CEMIP: variants seen among roughly 807,000 people sequenced by gnomAD.
The protein encoded by CEMIP is cell migration-inducing and hyaluronan-binding protein.
CEMIP carries 105 observed loss-of-function variants against 156.9 expected under a neutral mutation model. The observed-to-expected ratio is 0.67, with a 90% CI of 0.57 to 0.79. The LOEUF (loss-of-function observed/expected upper bound fraction) is 0.79, where lower values mean the gene tolerates loss of function less well. CEMIP is among the 30% of genes least tolerant of loss of function. The pLI is 0.00. For synonymous variants in CEMIP, 676 were observed against 668.4 expected (o/e 1.01, Z -0.17); for missense variants, 1,457 against 1,769.4 (o/e 0.82, Z 3.17).
chr15:80,859,467 A>G (rs1235830398), intron 1 of CEMIP, among the ~76,000 whole-genome samples: 1 of 152,230 alleles, frequency 6.6e-6, no homozygotes, highest in African/African-American at 2.4e-5. Flanking sequence ...ATGATGCCCT[A>G]TCTGTCCCAT....
intron 11 of CEMIP, 93 bp from the exon 12 acceptor site, chr15:80,895,776 A>T: frequency 4.4e-6 from 5 of 1,137,456 alleles, no homozygotes; most frequent in Non-Finnish European, 6.6e-6. Context: ...CCTGGCATTT[A>T]GTTATTTAGG....
chr15:80,937,164 G>T lies in CEMIP; in HGVS notation c.3221+279G>T, dbSNP rs145685444. Among the ~76,000 whole-genome samples the T allele has an allele frequency of 6.9e-3, 1,045 of 152,316 alleles. 15 individuals carry two copies. The highest frequency in any genetic ancestry group is 0.024 in the African/African-American group (999 of 41,562). ...TATTACCTTGCAGGAGTGCAATGAG[G>T]ACCCAAGGAGATAAGGTATGGCGGG... On this transcript the variant is annotated intron_variant, in intron 24 of 29. Transcript: ENST00000394685.
chr15:80,890,577 ACT>A (rs1372945173), intron 10 of CEMIP, among the ~76,000 whole-genome samples: 3 of 135,174 alleles, frequency 2.2e-5, no homozygotes, highest in Admixed American at 7.4e-5. Context: ...ACCGAGCAAG[ACT>A]CTGACTCAAA....
chr15:80,927,565 C>A (rs559795945), intron 19 of CEMIP, among the ~76,000 whole-genome samples: 1 of 152,324 alleles, frequency 6.6e-6, no homozygotes, highest in South Asian at 2.1e-4. Context: ...AGATTTAGGG[C>A]AGCAAGAAAA....
chr15:80,795,876 G>A (rs1188776294), intron 1 of CEMIP, among the ~76,000 whole-genome samples: 8 of 152,166 alleles, frequency 5.3e-5, no homozygotes, highest in Non-Finnish European at 7.3e-5. Flanking sequence ...GCTGCATGGA[G>A]CCATGATTGT....
At chr15:80,878,371 G>A (rs891601261) in intron 3 of CEMIP, among the ~76,000 whole-genome samples, 2 of 152,166 alleles carry the variant, frequency 1.3e-5, no homozygotes, top group African/African-American at 4.8e-5. Flanking sequence ...AAGACAGAAT[G>A]TCCTGGAATC....
chr15:80,785,135 C>T (rs532598202), intron 1 of CEMIP, among the ~76,000 whole-genome samples: 84 of 152,300 alleles, frequency 5.5e-4, no homozygotes, highest in African/African-American at 1.9e-3. Flanking sequence ...GATCGTTGTG[C>T]AAATGGCAAT....
At chr15:80,914,490 A>G (rs1900188760) in intron 14 of CEMIP, among the ~76,000 whole-genome samples, 1 of 152,126 alleles carries the variant, frequency 6.6e-6, no homozygotes, top group Non-Finnish European at 1.5e-5. Context: ...CAGGGGTGCC[A>G]TCTATATGGA....
At chr15:80,881,518 T>C (rs1596155168) in intron 6 of CEMIP, among the ~76,000 whole-genome samples, 1 of 151,832 alleles carries the variant, frequency 6.6e-6, no homozygotes, top group African/African-American at 2.4e-5. Flanking sequence ...AGGGAAAGAG[T>C]GTTCAAGACA....
chr15:80,880,396 G>A (rs976585034), intron 5 of CEMIP, among the ~76,000 whole-genome samples: 1 of 152,170 alleles, frequency 6.6e-6, no homozygotes, highest in African/African-American at 2.4e-5. Flanking sequence ...GCTTTATTTT[G>A]GTCTGGCTTA....
chr15:80,882,757 T>TACACACACAC (rs67853416), intron 6 of CEMIP, among the ~76,000 whole-genome samples: 1 of 149,854 alleles, frequency 6.7e-6, no homozygotes, highest in African/African-American at 2.5e-5. Context: ...TGCACACACA[T>TACACACACAC]ACACACACAC....
In CEMIP at chr15:80,892,327, C is replaced by T. The variant is rs1899058951; in HGVS notation, c.1087-2663C>T. 2.6e-5 allele frequency among the ~76,000 whole-genome samples: 4 copies of T among 152,240 alleles called. No individual in the cohort carries two copies. In the South Asian group the frequency reaches 8.3e-4, roughly 32 times the overall value. ...CAGTTGACCTTAAGAAAAGCTTTTC[C>T]AAGATCTGATATTTTGTGATTCTGA... On this transcript the variant is annotated intron_variant, in intron 10 of 29. Transcript: ENST00000394685.
At chr15:80,868,113 C>T (rs944902122) in intron 1 of CEMIP, among the ~76,000 whole-genome samples, 6 of 152,096 alleles carry the variant, frequency 3.9e-5, no homozygotes, top group Admixed American at 3.9e-4. Flanking sequence ...ATCCAGTCCT[C>T]CAGGAGCCAC....
intron 1 of CEMIP, among the ~76,000 whole-genome samples, chr15:80,825,642 T>C (rs1897018756): frequency 1.3e-5 from 2 of 152,186 alleles, no homozygotes; most frequent in Non-Finnish European, 1.5e-5. Context: ...CTCATTAGCA[T>C]TGGGAGGAGA....
At chr15:80,780,912 G>A (rs925423822) in intron 1 of CEMIP, among the ~76,000 whole-genome samples, 5 of 152,202 alleles carry the variant, frequency 3.3e-5, no homozygotes, top group African/African-American at 1.2e-4. Context: ...AGAGTCCGCT[G>A]GGGCCCTCGG....
intron 1 of CEMIP, among the ~76,000 whole-genome samples, chr15:80,846,649 C>A (rs1897567305): frequency 6.6e-6 from 1 of 152,146 alleles, no homozygotes; most frequent in South Asian, 2.1e-4. Context: ...TTTTCTCAGA[C>A]CCATGTGGAA....
chr15:80,929,459 C>A (rs1033599969), intron 21 of CEMIP, among the ~76,000 whole-genome samples: 1 of 152,218 alleles, frequency 6.6e-6, no homozygotes, highest in Admixed American at 6.5e-5. Context: ...TGTCTGGGAT[C>A]AGGGACTGTG....
At chr15:80,786,313 T>A (rs1272656435) in intron 1 of CEMIP, among the ~76,000 whole-genome samples, 4 of 152,216 alleles carry the variant, frequency 2.6e-5, no homozygotes, top group African/African-American at 9.7e-5. Flanking sequence ...CACAGTTCCC[T>A]GCAGCCCCAA....
intron 1 of CEMIP, among the ~76,000 whole-genome samples, chr15:80,814,610 G>C (rs1896750069): frequency 6.6e-6 from 1 of 152,162 alleles, no homozygotes; most frequent in South Asian, 2.1e-4. Context: ...AGAACCTGTG[G>C]GTGCCTTGGA....
Sources: gnomAD v4.1 joint callset for allele counts (sites outside exome capture counted in the v4.1 genomes callset) on GRCh38, gnomAD v4.1.1 for gene constraint, MANE v1.5 for transcripts, NCBI Gene and HGNC (gene_info 2026-07-23, HGNC 2026-07-21) for gene names.